Variants in PTPRD observed in about 807,000 individuals in gnomAD.
The protein encoded by PTPRD is protein tyrosine phosphatase receptor type D, also known as receptor-type tyrosine-protein phosphatase delta.
In PTPRD, 34 loss-of-function variants were observed where a neutral mutation model predicts 214.5. That is an observed-to-expected ratio of 0.16 (90% CI 0.12 to 0.21). The LOEUF is 0.21. Among genes scored for constraint, PTPRD ranks in the 10% least tolerant of loss-of-function variants. PTPRD has a pLI of 1.00. For missense variants in PTPRD, 2,545 were observed against 2,398.7 expected, an observed-to-expected ratio of 1.06 and a Z score of -1.27; for synonymous variants, 1,128 against 845.7, an observed-to-expected ratio of 1.33 and a Z score of -5.79.
chr9:9,719,022 A>T (rs987105288), intron 7 of PTPRD, among the ~76,000 whole-genome samples: 5 of 152,124 alleles, frequency 3.3e-5, no homozygotes, highest in African/African-American at 1.2e-4. Context: ...TTTTGGGTGG[A>T]GTCAGTGACC....
At chr9:8,524,210 G>A (rs2097954414) in intron 18 of PTPRD, among the ~76,000 whole-genome samples, 1 of 152,160 alleles carries the variant, frequency 6.6e-6, no homozygotes, top group Non-Finnish European at 1.5e-5. Flanking sequence ...GAGAACATAT[G>A]AATGTATCCT....
intron 4 of PTPRD, among the ~76,000 whole-genome samples, chr9:9,946,057 G>GTTTGGAAAGTCACCCTTCCCTTTCCCAC (rs2092500330): frequency 6.6e-6 from 1 of 151,118 alleles, no homozygotes; most frequent in Non-Finnish European, 1.5e-5. Context: ...TCCTTTCCCA[G>GTTTGGAAAGTCACCCTTCCCTTTCCCAC]TTGGGAAAGT....
At chr9:9,898,283 G>C (rs1257038838) in intron 5 of PTPRD, among the ~76,000 whole-genome samples, 1 of 152,016 alleles carries the variant, frequency 6.6e-6, no homozygotes, top group African/African-American at 2.4e-5. Context: ...TTTGGGACTG[G>C]AGGTAGTGAA....
chr9:9,731,848 A>T (rs2098199966), intron 7 of PTPRD, among the ~76,000 whole-genome samples: 2 of 152,208 alleles, frequency 1.3e-5, no homozygotes, highest in Admixed American at 6.6e-5. Flanking sequence ...GGAACTACTA[A>T]ACATAGAGCA....
chr9:9,265,204 T>C (rs1194285975), intron 9 of PTPRD, among the ~76,000 whole-genome samples: 1 of 151,650 alleles, frequency 6.6e-6, no homozygotes. Flanking sequence ...GACAAAAATA[T>C]TGAAAATAAA....
At chr9:8,980,580 T>C (rs2099306800) in intron 11 of PTPRD, among the ~76,000 whole-genome samples, 1 of 152,204 alleles carries the variant, frequency 6.6e-6, no homozygotes, top group South Asian at 2.1e-4. Context: ...TTCTCAAGGA[T>C]ATTAAAGTTA....
intron 24 of PTPRD, among the ~76,000 whole-genome samples, chr9:8,500,400 A>G (rs566915293): frequency 2.0e-5 from 3 of 151,962 alleles, no homozygotes; most frequent in African/African-American, 7.2e-5. Flanking sequence ...GTAGTTTTGA[A>G]AAGTTAACTT....
At chr9:9,734,021 A>C (rs1242522502) in intron 7 of PTPRD, among the ~76,000 whole-genome samples, 1 of 152,194 alleles carries the variant, frequency 6.6e-6, no homozygotes, top group Non-Finnish European at 1.5e-5. Context: ...AAATGTTGCA[A>C]GGATTTTAAG....
intron 9 of PTPRD, among the ~76,000 whole-genome samples, chr9:9,294,593 G>A (rs1228439722): frequency 1.3e-5 from 2 of 151,606 alleles, no homozygotes; most frequent in Admixed American, 6.6e-5. Context: ...CGCTCTGTGT[G>A]CTATTTCTCT....
At chr9:9,522,772 G>C (rs1001115081) in intron 8 of PTPRD, among the ~76,000 whole-genome samples, 1 of 152,168 alleles carries the variant, frequency 6.6e-6, no homozygotes, top group Non-Finnish European at 1.5e-5. Flanking sequence ...TTTGAATTCT[G>C]AAACTTAAGG....
chr9:9,288,568 T>C (rs1595216947), intron 9 of PTPRD, among the ~76,000 whole-genome samples: 1 of 151,952 alleles, frequency 6.6e-6, no homozygotes, highest in East Asian at 1.9e-4. Flanking sequence ...AATATTGTGT[T>C]CACACTTTCA....
intron 6 of PTPRD, among the ~76,000 whole-genome samples, chr9:9,739,579 AT>A (rs1219090259): frequency 6.6e-6 from 1 of 151,010 alleles, no homozygotes; most frequent in Admixed American, 6.6e-5. Flanking sequence ...TGAATCCTCT[AT>A]TTTTTTTACT....
chr9:8,726,042 C>G (rs867424221), intron 12 of PTPRD, among the ~76,000 whole-genome samples: 2 of 149,224 alleles, frequency 1.3e-5, no homozygotes, highest in Non-Finnish European at 3.0e-5. Context: ...CACACACACA[C>G]ACACACACAC....
At chr9:8,452,976 C>A (rs1304731230) in intron 33 of PTPRD, among the ~76,000 whole-genome samples, 1 of 152,126 alleles carries the variant, frequency 6.6e-6, no homozygotes, top group African/African-American at 2.4e-5. Flanking sequence ...GTAAATCAAT[C>A]AAAATATTTG....
chr9:9,892,116 C>T (rs1004669669), intron 5 of PTPRD, among the ~76,000 whole-genome samples: 1 of 151,802 alleles, frequency 6.6e-6, no homozygotes. Context: ...GGTTCCAGGC[C>T]TAGTAAATAG....
At chr9:10,343,861 G>C (rs1021486923) in intron 2 of PTPRD, among the ~76,000 whole-genome samples, 4 of 149,796 alleles carry the variant, frequency 2.7e-5, no homozygotes, top group Non-Finnish European at 5.9e-5. Context: ...TGAGCTCTTC[G>C]TTTTCTTGTA....
chr9:9,660,153 A>G (rs2096594806), intron 7 of PTPRD, among the ~76,000 whole-genome samples: 1 of 151,988 alleles, frequency 6.6e-6, no homozygotes. Flanking sequence ...AATTTCATGT[A>G]ATTCCCCCGT....
At chr9:10,138,740 G>A (rs544348536) in intron 3 of PTPRD, among the ~76,000 whole-genome samples, 3 of 152,186 alleles carry the variant, frequency 2.0e-5, no homozygotes, top group South Asian at 4.2e-4. Context: ...TGCAAGGTTG[G>A]TTCAACACAT....
chr9:10,254,913 A>G (rs1050709759), intron 3 of PTPRD, among the ~76,000 whole-genome samples: 1 of 152,186 alleles, frequency 6.6e-6, no homozygotes, highest in African/African-American at 2.4e-5. Context: ...TTCTCTGATG[A>G]CTTTTAAGAA....
Sources: gnomAD v4.1 joint callset for allele counts (sites outside exome capture counted in the v4.1 genomes callset) on GRCh38, gnomAD v4.1.1 for gene constraint, MANE v1.5 for transcripts, NCBI Gene and HGNC (gene_info 2026-07-23, HGNC 2026-07-21) for gene names.